RBM48: variants seen among roughly 807,000 people sequenced by gnomAD.
The protein encoded by RBM48 is RNA-binding protein 48.
In RBM48, 32 loss-of-function variants were observed where a neutral mutation model predicts 34.8. The observed-to-expected ratio is 0.92, with a 90% confidence interval of 0.69 to 1.23. RBM48 has a LOEUF of 1.23. RBM48 is among the 50% of genes most tolerant of loss of function. The probability of loss-of-function intolerance (pLI) is 0.00; values close to 1 mark genes in which losing one functional copy is unlikely to be tolerated. For synonymous variants in RBM48, 151 were observed against 156.2 expected (o/e 0.97, Z 0.25); for missense variants, 441 against 447.2 (o/e 0.99, Z 0.12).
In RBM48 at chr7:92,540,168, G is replaced by A. The variant is rs1317138753; in HGVS notation, c.*3231G>A. The A allele has an allele frequency of 2.0e-5, 3 of 152,184 alleles. No individual in the cohort carries two copies. The highest frequency in any genetic ancestry group is 6.5e-5 in the Admixed American group (1 of 15,284). The allele number at this position is 152,184 out of a possible 1,614,324, so 9.4% of individuals were successfully genotyped here. On this transcript the variant is annotated 3_prime_UTR_variant, in exon 5 of 5. Transcript: ENST00000265732. ...AATGATTGCCTTGACTTCAGCAGTG[G>A]GCTGCAGCCCAACAGAGGAGAGTGT...
rs1424951485 is a variant in RBM48, at chr7:92,538,436, A to C, written c.*1499A>C. 6.6e-6 allele frequency among the ~76,000 whole-genome samples: 1 copy of C among 152,092 alleles called. No homozygotes were observed. The highest frequency in any genetic ancestry group is 1.5e-5 in the Non-Finnish European group (1 of 68,016). ...CAGCTTTTACTCCCTCCTCCTCTTC[A>C]GAGATGGGAGACAGGAAGAGAAATG... On this transcript the variant is annotated 3_prime_UTR_variant, in exon 5 of 5. Coordinates refer to ENST00000265732, the MANE Select transcript of RBM48 (RefSeq NM_032120.4).
chr7:92,540,412 G>T lies in RBM48; in HGVS notation c.*3475G>T, dbSNP rs936944924. On this transcript the variant is annotated 3_prime_UTR_variant, in exon 5 of 5. Transcript: ENST00000265732. ...TTGGTAAATACTAGTTTTAAATTTT[G>T]CATGGCAAATAGCTCTCTAGACTAA... 1.3e-5 allele frequency: 2 copies of T among 152,152 alleles called. No individual in the cohort carries two copies. The highest frequency in any genetic ancestry group is 6.5e-5 in the Admixed American group (1 of 15,276). The allele number at this position is 152,152 out of a possible 1,614,324, so 9.4% of individuals were successfully genotyped here. A position where few individuals can be genotyped will look rare whatever the true frequency, so the allele number is the denominator to read the frequency against.
At position 92,537,050 on chromosome 7, in the gene RBM48, TTTGTAATTTCA is replaced by T; in HGVS notation, c.*116_*126del. On this transcript the variant is annotated 3_prime_UTR_variant, in exon 5 of 5. Transcript: ENST00000265732. ...GCTGGTATTTTTTAATGCACTCCTC[TTTGTAATTTCA>T]TTCAAGCCATTTGTCTAAAGTCATT... is the stretch of plus-strand genomic sequence containing the variant. 1 of 731,812 alleles carries T rather than the reference TTTGTAATTTCA, an allele frequency of 1.4e-6. No individual in the cohort carries two copies. Among genetic ancestry groups the T allele is most frequent in the African/African-American group, 1.8e-5 (1 of 54,758 alleles). The allele number at this position is 731,812 out of a possible 1,614,324, so 45.3% of individuals were successfully genotyped here.
Position 92,537,615 on chromosome 7 carries a change from G to A in RBM48, c.*678G>A, listed in dbSNP as rs1406816440. The stretch of plus-strand genomic sequence containing the variant: ...TTCAAAATCAAGACAATTCTATGAA[G>A]TAAAAAGTAGATTAGCTATTAGAAC... On this transcript the variant is annotated 3_prime_UTR_variant, in exon 5 of 5. Transcript: ENST00000265732. 1 of 152,136 alleles carries A rather than the reference G, an allele frequency of 6.6e-6. No individual in the cohort carries two copies. The highest frequency in any genetic ancestry group is 1.5e-5 in the Non-Finnish European group (1 of 68,024). The allele number at this position is 152,136 out of a possible 1,614,324, so 9.4% of individuals were successfully genotyped here.
rs977230638 is a variant in RBM48 at position 92,538,578 on chromosome 7, C to A, written c.*1641C>A. On this transcript the variant is annotated 3_prime_UTR_variant, in exon 5 of 5. Transcript: ENST00000265732. ...TACTTCCATGTGAGGTAATTAGATA[C>A]AGTTTTTGCTGAAATCTCAGGTAAA... Among the ~76,000 whole-genome samples, 2 of 152,092 alleles carry A rather than the reference C, an allele frequency of 1.3e-5. No homozygotes were observed. Among genetic ancestry groups the A allele is most frequent in the Non-Finnish European group, 2.9e-5 (2 of 68,008 alleles).
chr7:92,536,920 C>G lies in RBM48; in HGVS notation c.1087C>G (p.Gln363Glu). 6.2e-7 allele frequency: 1 copy of G among 1,603,990 alleles called. No homozygotes were observed. ...EDVHTSHPLK[Q>E]RRRI is the part of the protein sequence containing the mutation. ...TGTACATACAAGTCATCCATTAAAA[C>G]AAAGAAGAAGAATATAGAGTGCCAG... The change falls in exon 5 of 5, where the codon CAA becomes GAA. Residue 363 changes from glutamine to glutamate, a missense_variant. Gln to Glu is a conservative substitution (Grantham distance 29). Coordinates refer to ENST00000265732, the MANE Select transcript of RBM48 (RefSeq NM_032120.4).
In RBM48 at chr7:92,538,948, A is replaced by T. The variant is rs983571835; in HGVS notation, c.*2011A>T. 2.0e-5 allele frequency among the ~76,000 whole-genome samples: 3 copies of T among 152,196 alleles called. No homozygotes were observed. The highest frequency in any genetic ancestry group is 7.2e-5 in the African/African-American group (3 of 41,438). ...GCCAGCACTCCTCATCCCCACCAAC[A>T]TAATTCATCATGAGGAGAGACAGAA... On this transcript the variant is annotated 3_prime_UTR_variant, in exon 5 of 5. Coordinates refer to ENST00000265732, the MANE Select transcript of RBM48 (RefSeq NM_032120.4).
intron 4 of RBM48, chr7:92,536,069 G>T: frequency 3.0e-6 from 2 of 662,744 alleles, no homozygotes; most frequent in Non-Finnish European, 3.7e-6. Context: ...GGCGGAGGTT[G>T]CAGTGAGCCA....
At chr7:92,532,339 T>C in intron 2 of RBM48, 65 bp from the exon 3 acceptor site, 1 of 1,355,008 alleles carries the variant, frequency 7.4e-7, no homozygotes, top group Non-Finnish European at 1.0e-6. Flanking sequence ...TATTGCATAC[T>C]AGTTAAGCTT....
rs1228937370 is a variant in RBM48 at position 92,534,503 on chromosome 7, T to C, written c.550T>C (p.Leu184=). The change falls in exon 4 of 5, where the codon TTG becomes CTG. Residue 184 remains leucine (L), a synonymous_variant. Transcript: ENST00000265732. ...SEMSGFCKAA[L]NTSAGNSNPY... ...GATGTCTGGATTTTGTAAAGCTGCTTTGAACACTTCTGCAGGGAACTCAAA... is the reference window on the plus strand; with the variant it reads ...GATGTCTGGATTTTGTAAAGCTGCTCTGAACACTTCTGCAGGGAACTCAAA... 1 of 1,614,150 alleles carries C rather than the reference T, an allele frequency of 6.2e-7. No individual in the cohort carries two copies. The highest frequency in any genetic ancestry group is 8.5e-7 in the Non-Finnish European group (1 of 1,180,032).
intron 4 of RBM48, chr7:92,535,877 A>G (rs1793698999): frequency 2.1e-6 from 2 of 937,202 alleles, no homozygotes; most frequent in African/African-American, 1.8e-5. Flanking sequence ...CCTCACACCA[A>G]TAACTTCAGC....
intron 2 of RBM48, among the ~76,000 whole-genome samples, 179 bp from the exon 3 acceptor site, chr7:92,532,225 C>T (rs772771376): frequency 9.2e-5 from 14 of 152,104 alleles, no homozygotes; most frequent in Non-Finnish European, 1.8e-4. Flanking sequence ...AGTACATACT[C>T]GATCAATGGG....
rs756801361 is a variant in RBM48 at position 92,534,954 on chromosome 7, G to A, written c.1001G>A (p.Arg334Gln). 5.0e-6 allele frequency: 8 copies of A among 1,614,024 alleles called. No individual in the cohort carries two copies. The highest frequency in any genetic ancestry group is 4.4e-5 in the South Asian group (4 of 91,050). Reference sequence around the variant, plus strand: ...TTGAATACAACGGCGAATTTAATTCGGCATAAACTTAAAGAGGTAAGGTTA... The same window carrying A: ...TTGAATACAACGGCGAATTTAATTCAGCATAAACTTAAAGAGGTAAGGTTA... ...DSLNTTANLI[R>Q]HKLKEVISSV... The change falls in exon 4 of 5, where the codon CGG (arginine) becomes CAG (glutamine). Residue 334 changes from arginine (R) to glutamine (Q), a missense_variant. Transcript: ENST00000265732.
At chr7:92,535,512 T>G in intron 4 of RBM48, 1 of 975,832 alleles carries the variant, frequency 1.0e-6, no homozygotes, top group Non-Finnish European at 1.2e-6. Flanking sequence ...GGTAGTCTGT[T>G]TTTTTTTTTA....
At chr7:92,535,338 C>A (rs2067489719) in intron 4 of RBM48, 2 of 1,137,252 alleles carry the variant, frequency 1.8e-6, no homozygotes, top group Non-Finnish European at 2.2e-6. Flanking sequence ...TAAATTATTT[C>A]TCTCAAATTT....
Position 92,529,580 on chromosome 7 carries a change from T to C in RBM48, c.216T>C (p.Ile72=), listed in dbSNP as rs1793490236. The part of the protein sequence containing the change: ...LVERFALYGA[I]EQYNALDEYP... ...AGCGATTCGCTTTATATGGTGCAAT[T>C]GAACAGTACAATGCTCTAGATGAAT... The change falls in exon 2 of 5, where the codon ATT becomes ATC. Residue 72 remains isoleucine, a synonymous_variant. Transcript: ENST00000265732. 3 of 1,610,750 alleles carry C rather than the reference T, an allele frequency of 1.9e-6. No homozygotes were observed. Among genetic ancestry groups the C allele is most frequent in the Non-Finnish European group, 2.5e-6 (3 of 1,177,104 alleles).
chr7:92,529,591 A>T lies in RBM48; in HGVS notation c.227A>T (p.Asn76Ile), dbSNP rs769637128. Residue 76 changes from asparagine to isoleucine, a missense_variant, in exon 2 of 5, where the codon AAT becomes ATT. Physicochemically the swap from Asn to Ile is moderately radical, Grantham distance 149. Coordinates refer to ENST00000265732, the MANE Select transcript of RBM48 (RefSeq NM_032120.4). ...FALYGAIEQY[N>I]ALDEYPAEDF... The stretch of plus-strand genomic sequence containing the variant: ...TTATATGGTGCAATTGAACAGTACA[A>T]TGCTCTAGATGAATACCCAGCAGAA... 1 of 1,610,362 alleles carries T rather than the reference A, an allele frequency of 6.2e-7. No individual in the cohort carries two copies. Among genetic ancestry groups the T allele is most frequent in the Admixed American group, 1.7e-5 (1 of 59,788 alleles).
Position 92,539,603 on chromosome 7 carries a change from G to T in RBM48, c.*2666G>T, listed in dbSNP as rs1793811717. On this transcript the variant is annotated 3_prime_UTR_variant, in exon 5 of 5. Coordinates refer to ENST00000265732, the MANE Select transcript of RBM48 (RefSeq NM_032120.4). Reference sequence around the variant, plus strand: ...AATCCCAGCTACTCGGGAGGCTGAGGCATGAGAATTACTTGAACCCAGGAG... The same window carrying T: ...AATCCCAGCTACTCGGGAGGCTGAGTCATGAGAATTACTTGAACCCAGGAG... Among the ~76,000 whole-genome samples the T allele has an allele frequency of 1.3e-5, 2 of 152,142 alleles. No individual in the cohort carries two copies. The highest frequency in any genetic ancestry group is 1.5e-5 in the Non-Finnish European group (1 of 68,010).
In RBM48 at chr7:92,532,443, TG is replaced by T; in HGVS notation, c.344del (p.Gly115AspfsTer28). On this transcript the variant is annotated frameshift_variant, in exon 3 of 5. Coordinates refer to ENST00000265732, the MANE Select transcript of RBM48 (RefSeq NM_032120.4). LOFTEE classifies it high-confidence loss of function. ...RKMDEQSFFG[G>X]LLHVCYAPEF... is the part of the protein sequence containing the mutation. ...AAATGGATGAACAGAGTTTCTTCGG[TG>T]GATTGCTTCATGTGTGCTATGCTCC... is the stretch of plus-strand genomic sequence containing the variant. 4.3e-6 allele frequency: 7 copies of T among 1,611,682 alleles called. No homozygotes were observed. Among genetic ancestry groups the T allele is most frequent in the Non-Finnish European group, 5.9e-6 (7 of 1,178,538 alleles).
Sources: allele counts gnomAD v4.1 joint callset (sites outside exome capture counted in the v4.1 genomes callset), GRCh38; gene constraint gnomAD v4.1.1; transcripts MANE v1.5; gene names NCBI Gene and HGNC (gene_info 2026-07-23, HGNC 2026-07-21).